Variants in GALNTL6 observed in about 807,000 individuals in gnomAD.
GALNTL6 encodes polypeptide N-acetylgalactosaminyltransferase like 6, also known as polypeptide N-acetylgalactosaminyltransferase-like 6.
A neutral mutation model predicts 73.7 loss-of-function variants in GALNTL6; 46 were observed. The observed-to-expected ratio is 0.62, with a 90% CI of 0.49 to 0.80. The LOEUF (loss-of-function observed/expected upper bound fraction) is 0.80. Among genes scored for constraint, GALNTL6 ranks in the 30% least tolerant of loss-of-function variants. The pLI is 0.00. For synonymous variants in GALNTL6, 259 were observed against 263.7 expected (o/e 0.98, Z 0.17); for missense variants, 604 against 755.0 (o/e 0.80, Z 2.34).
At chr4:172,835,781 A>C (rs966105752) in intron 7 of GALNTL6, among the ~76,000 whole-genome samples, 1 of 152,214 alleles carries the variant, frequency 6.6e-6, no homozygotes, top group African/African-American at 2.4e-5. Flanking sequence ...CTGAGTAAGC[A>C]GATAAGTTAG....
chr4:172,411,911 T>C (rs947463968), intron 5 of GALNTL6, among the ~76,000 whole-genome samples: 2 of 151,638 alleles, frequency 1.3e-5, no homozygotes, highest in Admixed American at 6.6e-5. Flanking sequence ...GGGGGGAAAA[T>C]AGAAAAGTAA....
chr4:172,865,931 G>C (rs993728178), intron 7 of GALNTL6, among the ~76,000 whole-genome samples: 3 of 152,164 alleles, frequency 2.0e-5, no homozygotes, highest in African/African-American at 7.2e-5. Flanking sequence ...TCAGGGAATT[G>C]CACTGCCACC....
chr4:172,337,817 T>A (rs905149445), intron 4 of GALNTL6, among the ~76,000 whole-genome samples: 1 of 152,028 alleles, frequency 6.6e-6, no homozygotes, highest in Admixed American at 6.6e-5. Flanking sequence ...TACCTATTTC[T>A]CTAGCAAAAT....
chr4:172,312,566 C>A (rs1048475627), intron 4 of GALNTL6, among the ~76,000 whole-genome samples: 2 of 151,920 alleles, frequency 1.3e-5, no homozygotes, highest in Non-Finnish European at 2.9e-5. Flanking sequence ...CCCACAACAA[C>A]CCAAAAACTT....
intron 10 of GALNTL6, among the ~76,000 whole-genome samples, chr4:172,957,611 A>G (rs2126365316): frequency 6.6e-6 from 1 of 152,296 alleles, no homozygotes; most frequent in South Asian, 2.1e-4. Context: ...CTTCCTTTGG[A>G]AGTAAAGCGG....
At position 172,961,665 on chromosome 4, in the gene GALNTL6, T is replaced by C. The variant is rs142808874; in HGVS notation, c.1371+9407T>C. On this transcript the variant is annotated intron_variant, in intron 10 of 12. Transcript: ENST00000506823. ...AATTGAAATTAAGAGAAGGGAGAGA[T>C]TGAAAGATGGTGCCAAGATTGAAAG... Among the ~76,000 whole-genome samples, 1,208 of 152,052 alleles carry C rather than the reference T, an allele frequency of 7.9e-3. 14 individuals carry two copies. The highest frequency in any genetic ancestry group is 0.028 in the African/African-American group (1,166 of 41,458).
chr4:172,369,508 C>T (rs1290492878), intron 5 of GALNTL6, among the ~76,000 whole-genome samples: 17 of 152,240 alleles, frequency 1.1e-4, no homozygotes, highest in South Asian at 2.1e-4. Flanking sequence ...TGGGAGTGGG[C>T]GCCGCGGAGC....
At chr4:172,485,410 A>G (rs193178934) in intron 5 of GALNTL6, among the ~76,000 whole-genome samples, 1 of 152,140 alleles carries the variant, frequency 6.6e-6, no homozygotes, top group African/African-American at 2.4e-5. Flanking sequence ...TTACTATACA[A>G]TACTATAATG....
intron 5 of GALNTL6, among the ~76,000 whole-genome samples, chr4:172,670,687 G>T (rs1301725824): frequency 6.6e-6 from 1 of 151,952 alleles, no homozygotes; most frequent in Non-Finnish European, 1.5e-5. Context: ...TGCTTTTGTT[G>T]CAATTGCTTT....
chr4:172,581,539 C>T (rs867510750), intron 5 of GALNTL6, among the ~76,000 whole-genome samples: 3 of 152,142 alleles, frequency 2.0e-5, no homozygotes, highest in Non-Finnish European at 2.9e-5. Flanking sequence ...TTACCCAATC[C>T]CCCTATTCTA....
intron 2 of GALNTL6, among the ~76,000 whole-genome samples, chr4:172,180,715 C>T (rs928075044): frequency 6.6e-6 from 1 of 152,120 alleles, no homozygotes; most frequent in African/African-American, 2.4e-5. Context: ...AACCCTTTCC[C>T]CATTGCTTGT....
chr4:172,837,342 A>T (rs1184292164), intron 7 of GALNTL6, among the ~76,000 whole-genome samples: 1 of 152,202 alleles, frequency 6.6e-6, no homozygotes, highest in Non-Finnish European at 1.5e-5. Context: ...GCAGATCATC[A>T]GTCCGCTCTT....
At position 172,255,950 on chromosome 4, in the gene GALNTL6, C is replaced by G. The variant is rs1579304901; in HGVS notation, c.247+26186C>G. 4.6e-5 allele frequency among the ~76,000 whole-genome samples: 7 copies of G among 151,392 alleles called. No homozygotes were observed. In the East Asian group the frequency reaches 1.4e-3, roughly 29 times the overall value. ...TATTTCAGCATCTGCTATTTTCAGG[C>G]ATTGTGTTAGTCCAGATAATTGTAG... On this transcript the variant is annotated intron_variant, in intron 3 of 12. Coordinates refer to ENST00000506823, the MANE Select transcript of GALNTL6 (RefSeq NM_001034845.3).
At chr4:172,923,666 C>T (rs1310211566) in intron 8 of GALNTL6, among the ~76,000 whole-genome samples, 2 of 152,170 alleles carry the variant, frequency 1.3e-5, no homozygotes, top group Non-Finnish European at 2.9e-5. Context: ...TGTTTTCACA[C>T]TGCTGATAAA....
At chr4:172,221,546 A>C (rs1310283793) in intron 2 of GALNTL6, among the ~76,000 whole-genome samples, 2 of 134,792 alleles carry the variant, frequency 1.5e-5, no homozygotes, top group Non-Finnish European at 3.3e-5. Context: ...ATTCACACTA[A>C]TTTGTGGAGT....
At position 172,447,609 on chromosome 4, in the gene GALNTL6, A is replaced by C. The variant is rs116926747; in HGVS notation, c.553+98920A>C. On this transcript the variant is annotated intron_variant, in intron 5 of 12. Transcript: ENST00000506823. The stretch of plus-strand genomic sequence containing the variant: ...TATAAATGTAAATGATAGTTTTATG[A>C]AGTAAATGGAGATACTAATGCATTT... Among the ~76,000 whole-genome samples the C allele has an allele frequency of 8.5e-3, 1,295 of 152,296 alleles. 13 individuals are homozygous for C. Among genetic ancestry groups the C allele is most frequent in the East Asian group, 0.039 (203 of 5,182 alleles).
chr4:171,937,984 T>A (rs1738403846), intron 2 of GALNTL6, among the ~76,000 whole-genome samples: 1 of 152,166 alleles, frequency 6.6e-6, no homozygotes, highest in Non-Finnish European at 1.5e-5. Flanking sequence ...TTGGGTTGTT[T>A]CTCGCCGTTC....
chr4:171,990,510 C>A (rs1449028640), intron 2 of GALNTL6, among the ~76,000 whole-genome samples: 1 of 152,048 alleles, frequency 6.6e-6, no homozygotes, highest in Admixed American at 6.6e-5. Flanking sequence ...TATTCTGATA[C>A]TTTATATCAG....
intron 2 of GALNTL6, among the ~76,000 whole-genome samples, chr4:172,005,585 A>G (rs551364045): frequency 2.4e-4 from 36 of 152,174 alleles, no homozygotes; most frequent in Non-Finnish European, 4.6e-4. Flanking sequence ...CCCATCTACT[A>G]TGATATATAT....
Sources: gnomAD v4.1 joint callset for allele counts (sites outside exome capture counted in the v4.1 genomes callset) on GRCh38, gnomAD v4.1.1 for gene constraint, MANE v1.5 for transcripts, NCBI Gene and HGNC (gene_info 2026-07-23, HGNC 2026-07-21) for gene names.